Variants in FANCC observed in about 807,000 individuals in gnomAD.
The protein encoded by FANCC is Fanconi anemia group C protein.
A neutral mutation model predicts 71.3 loss-of-function variants in FANCC; 55 were observed. That is an observed-to-expected ratio of 0.77 (90% confidence interval 0.62 to 0.97). FANCC has a LOEUF of 0.97. Ranked by LOEUF, FANCC falls within the 50% of genes least tolerant of loss-of-function variation. The pLI, the probability that FANCC is intolerant of heterozygous loss-of-function variation, is 0.00. For missense variants in FANCC, 678 were observed against 670.9 expected (o/e 1.01, Z -0.12); for synonymous variants, 275 against 244.9 (o/e 1.12, Z -1.15).
intron 6 of FANCC, among the ~76,000 whole-genome samples, chr9:95,162,383 C>T (rs1021230528): frequency 1.3e-5 from 2 of 152,144 alleles, no homozygotes; most frequent in African/African-American, 4.8e-5. Context: ...TTACTTCCAC[C>T]TCTTGGCTCT....
At chr9:95,169,119 G>A (rs1825496643) in intron 6 of FANCC, among the ~76,000 whole-genome samples, 1 of 152,120 alleles carries the variant, frequency 6.6e-6, no homozygotes, top group Non-Finnish European at 1.5e-5. Flanking sequence ...TTCTTTAAGT[G>A]AAAAGGTGAA....
chr9:95,239,085 A>G (rs1305173849), intron 4 of FANCC, among the ~76,000 whole-genome samples: 1 of 152,112 alleles, frequency 6.6e-6, no homozygotes, highest in Non-Finnish European at 1.5e-5. Flanking sequence ...TGACAGGAAT[A>G]TTCTCCCTAA....
chr9:95,110,905 GTTA>G (rs2071863103), intron 13 of FANCC: 2 of 1,297,158 alleles, frequency 1.5e-6, no homozygotes, highest in East Asian at 6.3e-5. Context: ...TAGCTGCTCT[GTTA>G]TTTAGGAAAT....
intron 1 of FANCC, among the ~76,000 whole-genome samples, chr9:95,295,088 T>C (rs1207049532): frequency 2.0e-5 from 3 of 151,808 alleles, no homozygotes; most frequent in African/African-American, 4.8e-5. Flanking sequence ...GAAGAAAACA[T>C]AGAGAAAATG....
intron 1 of FANCC, among the ~76,000 whole-genome samples, chr9:95,278,114 G>A (rs1335602422): frequency 6.6e-6 from 1 of 152,204 alleles, no homozygotes; most frequent in Non-Finnish European, 1.5e-5. Flanking sequence ...CAGTGCAAAT[G>A]AGTTAAACAG....
intron 13 of FANCC, 37 bp from the exon 14 acceptor site, chr9:95,107,306 G>C: frequency 6.3e-7 from 1 of 1,598,100 alleles, no homozygotes; most frequent in Non-Finnish European, 8.6e-7. Flanking sequence ...AGGTTAGGAA[G>C]AGGCAGGACA....
At chr9:95,294,684 C>T (rs1834267045) in intron 1 of FANCC, 6 of 1,594,646 alleles carry the variant, frequency 3.8e-6, no homozygotes, top group Non-Finnish European at 5.2e-6. Flanking sequence ...TCTTCACCAA[C>T]AACGAAACTC....
At chr9:95,235,791 C>T (rs1830284802) in intron 4 of FANCC, among the ~76,000 whole-genome samples, 1 of 123,268 alleles carries the variant, frequency 8.1e-6, no homozygotes, top group African/African-American at 3.2e-5. Flanking sequence ...TTGCAGTGGG[C>T]CAAGATTGCG....
intron 7 of FANCC, among the ~76,000 whole-genome samples, chr9:95,146,631 C>T (rs142818682): frequency 1.3e-5 from 2 of 151,686 alleles, no homozygotes; most frequent in African/African-American, 4.8e-5. Context: ...ACCTTGAATT[C>T]GGAAATGTGA....
rs1827868971 is a variant in FANCC, at chr9:95,202,543, C to G, written c.346-30396G>C. ...GTGAGTCAACCTTGCCATAAATTGC[C>G]AACAAATATGCTCAGGGCGAAAGAA... On this transcript the variant is annotated intron_variant, in intron 4 of 14. Transcript: ENST00000289081. Among the ~76,000 whole-genome samples, 5 of 152,328 alleles carry G rather than the reference C, an allele frequency of 3.3e-5. 1 individual carries two copies. In the South Asian group the frequency reaches 1.0e-3, roughly 32 times the overall value.
At chr9:95,215,774 G>C (rs1444130121) in intron 4 of FANCC, among the ~76,000 whole-genome samples, 1 of 152,216 alleles carries the variant, frequency 6.6e-6, no homozygotes, top group African/African-American at 2.4e-5. Flanking sequence ...CTGACAGTCG[G>C]TATCAACTAA....
chr9:95,116,621 G>T (rs754287870), intron 11 of FANCC, among the ~76,000 whole-genome samples: 1 of 152,192 alleles, frequency 6.6e-6, no homozygotes, highest in Non-Finnish European at 1.5e-5. Context: ...CTGTGCCCAT[G>T]TCAGGACTGC....
intron 4 of FANCC, among the ~76,000 whole-genome samples, chr9:95,226,558 T>A (rs1194758046): frequency 6.6e-6 from 1 of 152,156 alleles, no homozygotes; most frequent in Admixed American, 6.5e-5. Context: ...TGTCTCCTGC[T>A]CCTCCCTTTC....
At chr9:95,206,662 T>C (rs1473999759) in intron 4 of FANCC, among the ~76,000 whole-genome samples, 5 of 152,104 alleles carry the variant, frequency 3.3e-5, no homozygotes. Flanking sequence ...CAGCCCAAGT[T>C]AAACCCCTTA....
intron 4 of FANCC, among the ~76,000 whole-genome samples, chr9:95,173,186 G>A (rs1033948745): frequency 1.3e-5 from 2 of 152,116 alleles, no homozygotes; most frequent in Non-Finnish European, 2.9e-5. Flanking sequence ...AAGCTGTATG[G>A]GGTTCTATGA....
chr9:95,163,120 A>G (rs969411701), intron 6 of FANCC, among the ~76,000 whole-genome samples: 4 of 152,208 alleles, frequency 2.6e-5, no homozygotes, highest in Middle Eastern at 3.2e-3. Context: ...TATATAATGA[A>G]AGGTAAGGGT....
intron 4 of FANCC, among the ~76,000 whole-genome samples, chr9:95,214,033 C>T (rs756105389): frequency 1.3e-5 from 2 of 152,146 alleles, no homozygotes; most frequent in Non-Finnish European, 2.9e-5. Flanking sequence ...CTAACAAGCA[C>T]ATGAAAAGAT....
In FANCC at chr9:95,107,823, C is replaced by T. The variant is rs758162219; in HGVS notation, c.1330-554G>A. On this transcript the variant is annotated intron_variant, in intron 13 of 14. Transcript: ENST00000289081. Reference sequence around the variant, plus strand: ...ACAAGAACACATTTGTTTTAGATGCCGGAACAATCTGTTCATACGTGTTTA... The same window carrying T: ...ACAAGAACACATTTGTTTTAGATGCTGGAACAATCTGTTCATACGTGTTTA... Among the ~76,000 whole-genome samples the T allele has an allele frequency of 2.0e-5, 3 of 152,100 alleles. No homozygotes were observed. In the East Asian group the frequency reaches 5.8e-4, roughly 29 times the overall value.
intron 13 of FANCC, 116 bp from the exon 14 acceptor site, chr9:95,107,385 A>G: frequency 8.8e-7 from 1 of 1,130,878 alleles, no homozygotes; most frequent in Non-Finnish European, 1.3e-6. Context: ...CTGGCCCCTG[A>G]GAGAGGGAGC....
Sources: allele counts gnomAD v4.1 joint callset (sites outside exome capture counted in the v4.1 genomes callset), GRCh38; gene constraint gnomAD v4.1.1; transcripts MANE v1.5; gene names NCBI Gene and HGNC (gene_info 2026-07-23, HGNC 2026-07-21).